SV2C: variants seen among roughly 807,000 people sequenced by gnomAD.
SV2C encodes synaptic vesicle glycoprotein 2C.
In SV2C, 49 loss-of-function variants were observed where a neutral mutation model predicts 79.7. The observed-to-expected ratio is 0.61, with a 90% CI of 0.49 to 0.78. SV2C has a LOEUF of 0.78. Among genes scored for constraint, SV2C ranks in the 30% least tolerant of loss-of-function variants. The pLI is 0.00. For missense variants in SV2C, 833 were observed against 912.9 expected, an observed-to-expected ratio of 0.91 and a Z score of 1.13; for synonymous variants, 334 against 333.2, an observed-to-expected ratio of 1.00 and a Z score of -0.03.
the SV2C span, among the ~76,000 whole-genome samples, chr5:75,857,447 CA>C: frequency 6.6e-6 from 1 of 151,972 alleles, no homozygotes; most frequent in Non-Finnish European, 1.5e-5. Flanking sequence ...CTGGGTTCTC[CA>C]TTCTGTTCCA....
At chr5:75,982,984 G>T in the SV2C span, among the ~76,000 whole-genome samples, 1 of 152,034 alleles carries the variant, frequency 6.6e-6, no homozygotes, top group African/African-American at 2.4e-5. Flanking sequence ...GTGAATAGTT[G>T]GAGGAAGAAG....
chr5:75,949,214 C>T, the SV2C span, among the ~76,000 whole-genome samples: 16 of 151,968 alleles, frequency 1.1e-4, no homozygotes, highest in Non-Finnish European at 2.1e-4. Context: ...GATGCCAGTG[C>T]CATGCTTCCT....
chr5:75,911,014 T>C, the SV2C span: 1 of 1,053,566 alleles, frequency 9.5e-7, no homozygotes, highest in Middle Eastern at 2.0e-4. Context: ...CACCTACTAG[T>C]CCCTCTACAC....
chr5:76,041,796 C>T, the SV2C span, among the ~76,000 whole-genome samples: 1 of 152,152 alleles, frequency 6.6e-6, no homozygotes, highest in South Asian at 2.1e-4. Context: ...GTTGATTCAG[C>T]CAATCTGGCT....
intron 8 of SV2C, 102 bp from the exon 9 acceptor site, chr5:76,295,676 C>G (rs1580040656): frequency 8.8e-7 from 1 of 1,138,354 alleles, no homozygotes; most frequent in South Asian, 1.6e-5. Context: ...AGGGAGCCAG[C>G]CATTCTCCGG....
chr5:76,184,656 A>G (rs1247693411), intron 2 of SV2C, among the ~76,000 whole-genome samples: 1 of 152,230 alleles, frequency 6.6e-6, no homozygotes, highest in African/African-American at 2.4e-5. Flanking sequence ...TAAAACTCTC[A>G]GATCTCATGA....
chr5:75,935,311 G>T, the SV2C span, among the ~76,000 whole-genome samples: 12 of 152,018 alleles, frequency 7.9e-5, no homozygotes, highest in Admixed American at 7.9e-4. Context: ...ATTTGGGGTT[G>T]GTTAGTGTGT....
At chr5:75,852,982 T>C in the SV2C span, among the ~76,000 whole-genome samples, 2 of 152,096 alleles carry the variant, frequency 1.3e-5, no homozygotes, top group East Asian at 1.9e-4. Flanking sequence ...TTTAAAAACT[T>C]ACCTAAGTTT....
At chr5:75,900,227 C>T in the SV2C span, among the ~76,000 whole-genome samples, 2 of 152,108 alleles carry the variant, frequency 1.3e-5, no homozygotes, top group East Asian at 1.9e-4. Context: ...ATGTTTAGCG[C>T]TTCCTTCAGG....
rs765717224 is a variant in SV2C, at chr5:76,254,251, T to G, written c.914-30911T>G. Among the ~76,000 whole-genome samples, 303 of 149,002 alleles carry G rather than the reference T, an allele frequency of 2.0e-3. 1 individual carries two copies. Among genetic ancestry groups the G allele is most frequent in the African/African-American group, 5.0e-3 (196 of 39,338 alleles). On this transcript the variant is annotated intron_variant, in intron 4 of 12. Coordinates refer to ENST00000502798, the MANE Select transcript of SV2C (RefSeq NM_014979.4). ...ATATATGTGTGTGTGTATATATATA[T>G]ATATATAGAGAGAGAGAGAGAGATA... is the stretch of plus-strand genomic sequence containing the variant.
chr5:76,291,999 A>T, intron 8 of SV2C, 143 bp downstream of exon 8: 2 of 615,850 alleles, frequency 3.2e-6, no homozygotes. Context: ...GTTTGCTGAG[A>T]GTTATGGTTT....
chr5:76,200,632 T>C (rs1232140979), intron 3 of SV2C, among the ~76,000 whole-genome samples: 1 of 152,172 alleles, frequency 6.6e-6, no homozygotes, highest in Non-Finnish European at 1.5e-5. Flanking sequence ...CTTTTTTATT[T>C]TATTTTTTGT....
At chr5:76,301,253 T>C in intron 11 of SV2C, 133 bp from the exon 12 acceptor site, 1 of 1,218,142 alleles carries the variant, frequency 8.2e-7, no homozygotes, top group East Asian at 2.4e-5. Flanking sequence ...GCACCAGTTC[T>C]TGAGCTTTAT....
At chr5:76,063,728 T>G in the SV2C span, among the ~76,000 whole-genome samples, 1,211 of 152,262 alleles carry the variant, frequency 8.0e-3, 15 homozygotes, top group African/African-American at 0.028. Context: ...ATAAGAACCC[T>G]GAGAGAAATA....
chr5:75,973,019 C>G, the SV2C span, among the ~76,000 whole-genome samples: 1 of 152,006 alleles, frequency 6.6e-6, no homozygotes, highest in Non-Finnish European at 1.5e-5. Context: ...AGTTCATGTC[C>G]TTTGTAGGGA....
At chr5:76,289,380 T>C (rs1747470760) in intron 6 of SV2C, among the ~76,000 whole-genome samples, 1 of 152,154 alleles carries the variant, frequency 6.6e-6, no homozygotes, top group Non-Finnish European at 1.5e-5. Flanking sequence ...TTTGTGGGCA[T>C]CCTTCTAGAT....
intron 3 of SV2C, among the ~76,000 whole-genome samples, chr5:76,198,541 C>T (rs1026463940): frequency 6.6e-5 from 10 of 152,134 alleles, no homozygotes; most frequent in Non-Finnish European, 1.5e-4. Context: ...TATAAACTGC[C>T]CCACCTCAGG....
At chr5:75,984,286 TG>T in the SV2C span, among the ~76,000 whole-genome samples, 1 of 152,062 alleles carries the variant, frequency 6.6e-6, no homozygotes, top group Admixed American at 6.6e-5. Flanking sequence ...TCTAATAAGT[TG>T]ACAGAAAGAG....
chr5:76,139,695 T>G (rs1353932055), intron 2 of SV2C, among the ~76,000 whole-genome samples: 2 of 152,022 alleles, frequency 1.3e-5, no homozygotes, highest in African/African-American at 2.4e-5. Context: ...TCATAGATAC[T>G]AGGTTTTCTT....
Sources: gnomAD v4.1 joint callset for allele counts (sites outside exome capture counted in the v4.1 genomes callset) on GRCh38, gnomAD v4.1.1 for gene constraint, MANE v1.5 for transcripts, NCBI Gene and HGNC (gene_info 2026-07-23, HGNC 2026-07-21) for gene names.